The following ZNF761 variants were observed in gnomAD, a reference collection of about 807,000 sequenced individuals.
The protein encoded by ZNF761 is zinc finger protein 761.
ZNF761 carries 43 observed loss-of-function variants against 59.9 expected under a neutral mutation model. That is an observed-to-expected ratio of 0.72 (90% CI 0.56 to 0.92). The LOEUF (loss-of-function observed/expected upper bound fraction) is 0.92, where lower values mean the gene tolerates loss of function less well. Ranked by LOEUF, ZNF761 falls within the 40% of genes least tolerant of loss-of-function variation. The pLI is 0.00. For missense variants in ZNF761, 850 were observed against 906.1 expected (o/e 0.94, Z 0.79); for synonymous variants, 294 against 304.8 (o/e 0.96, Z 0.37).
intron 3 of ZNF761, among the ~76,000 whole-genome samples, chr19:53,447,784 G>C (rs982246904): frequency 2.5e-4 from 38 of 152,234 alleles, no homozygotes; most frequent in African/African-American, 9.1e-4. Flanking sequence ...AAAAATCTTA[G>C]TAATTAGAAT....
Position 53,457,578 on chromosome 19 carries a change from C to T in ZNF761, c.*830C>T. 6.1e-6 allele frequency: 2 copies of T among 330,556 alleles called. No homozygotes were observed. The highest frequency in any genetic ancestry group is 6.1e-6 in the Non-Finnish European group (1 of 163,654). 20.5% of individuals were successfully genotyped at this position (330,556 alleles called of 1,614,324 possible). A position where few individuals can be genotyped will look rare whatever the true frequency, so the allele number is the denominator to read the frequency against. On this transcript the variant is annotated 3_prime_UTR_variant, in exon 5 of 5. Coordinates refer to ENST00000684525, the MANE Select transcript of ZNF761 (RefSeq NM_001289951.2). ...ATTTTGGAGGTAGTTGGTCCATATG[C>T]AATGAGTAGAGCAAACCATCAAGCA...
intron 4 of ZNF761, among the ~76,000 whole-genome samples, chr19:53,451,714 CT>C (rs1292596175): frequency 2.6e-5 from 4 of 151,068 alleles, no homozygotes; most frequent in Non-Finnish European, 5.9e-5. Context: ...TCCCAGGTAG[CT>C]GGGACTACAG....
chr19:53,456,663 A>C lies in ZNF761; in HGVS notation c.2156A>C (p.Lys719Thr). 6.2e-7 allele frequency: 1 copy of C among 1,614,042 alleles called. No homozygotes were observed. Among genetic ancestry groups the C allele is most frequent in the Non-Finnish European group, 8.5e-7 (1 of 1,179,954 alleles). Residue 719 changes from lysine (K) to threonine (T), a missense_variant, in exon 5 of 5, where the codon AAG (lysine) becomes ACG (threonine). Transcript: ENST00000684525. ...CTTCATACTGGAGAGAAACCTTACAAGTGTAATGAGTGTGGCAAGACCTTT... is the reference window on the plus strand; with the variant it reads ...CTTCATACTGGAGAGAAACCTTACACGTGTAATGAGTGTGGCAAGACCTTT... ...HRLHTGEKPY[K>T]CNECGKTFSQ...
At chr19:53,451,715 T>A (rs924432204) in intron 4 of ZNF761, among the ~76,000 whole-genome samples, 2 of 151,564 alleles carry the variant, frequency 1.3e-5, no homozygotes, top group Non-Finnish European at 2.9e-5. Context: ...CCCAGGTAGC[T>A]GGGACTACAG....
At chr19:53,437,838 A>G (rs1349702707) in intron 1 of ZNF761, among the ~76,000 whole-genome samples, 1 of 149,456 alleles carries the variant, frequency 6.7e-6, no homozygotes, top group East Asian at 1.9e-4. Context: ...TAGTGTAAAT[A>G]CTGACTTTCT....
intron 4 of ZNF761, among the ~76,000 whole-genome samples, chr19:53,454,081 C>T (rs1024636689): frequency 2.6e-5 from 4 of 151,912 alleles, no homozygotes; most frequent in Admixed American, 2.6e-4. Flanking sequence ...TCAAACAATT[C>T]TTGTGCCTCA....
rs528417848 is a variant in ZNF761 at position 53,435,981 on chromosome 19, TGTC to T, written c.-185+3957_-185+3959del. 7.2e-5 allele frequency among the ~76,000 whole-genome samples: 11 copies of T among 152,252 alleles called. No homozygotes were observed. In the South Asian group the frequency reaches 1.7e-3, roughly 23 times the overall value. ...TCTGGTGTGTGACTAGAGCTGGGCT[TGTC>T]GTCCCCTCCAGCTTCAGCTGTGCAT... On this transcript the variant is annotated intron_variant, in intron 1 of 4. Transcript: ENST00000684525.
rs1362794701 is a variant in ZNF761 at position 53,456,085 on chromosome 19, G to C, written c.1578G>C (p.Glu526Asp). 6.3e-7 allele frequency: 1 copy of C among 1,599,800 alleles called. No homozygotes were observed. The stretch of plus-strand genomic sequence containing the variant: ...GAGAGAAAGCTTACAAGTGTAATGA[G>C]TGCGGCAAGACCTTTAGTTGGAAGT... ...HTGEKAYKCN[E>D]CGKTFSWKSS... Residue 526 changes from glutamate (E) to aspartate (D), a missense_variant, in exon 5 of 5, where the codon GAG (glutamate) becomes GAC (aspartate). Transcript: ENST00000684525.
intron 1 of ZNF761, among the ~76,000 whole-genome samples, chr19:53,440,119 C>G (rs56139915): frequency 0.038 from 5,768 of 151,708 alleles, 238 homozygotes; most frequent in African/African-American, 0.1. Flanking sequence ...GAGTTCGAGA[C>G]CAGCCTGGGC....
Position 53,454,967 on chromosome 19 carries a change from T to C in ZNF761, c.460T>C (p.Phe154Leu). 8 of 1,614,174 alleles carry C rather than the reference T, an allele frequency of 5.0e-6. No homozygotes were observed. The highest frequency in any genetic ancestry group is 1.1e-5 in the South Asian group (1 of 91,078). ...TTCGCATCTGCCTGAAATGCACATA[T>C]TTCAGACCGAAGAGAAAATTGATAA... ...FHSHLPEMHIFQTEEKIDNQV... is the reference protein window; with the variant it reads ...FHSHLPEMHILQTEEKIDNQV... Residue 154 changes from phenylalanine to leucine, a missense_variant, in exon 5 of 5, where the codon TTT (phenylalanine) becomes CTT (leucine). Transcript: ENST00000684525.
chr19:53,442,955 T>C, intron 1 of ZNF761: 1 of 315,692 alleles, frequency 3.2e-6, no homozygotes, highest in South Asian at 2.6e-5. Flanking sequence ...TTTTTTTCTG[T>C]ACAAGTATAT....
intron 1 of ZNF761, among the ~76,000 whole-genome samples, chr19:53,441,498 G>T (rs1440706421): frequency 6.7e-6 from 1 of 150,110 alleles, no homozygotes; most frequent in Admixed American, 6.7e-5. Context: ...CCAGGCTGGA[G>T]TGTAGTGGCA....
chr19:53,433,260 AGTTAATCATATAAT>A (rs923482937), intron 1 of ZNF761, among the ~76,000 whole-genome samples: 1 of 152,226 alleles, frequency 6.6e-6, no homozygotes, highest in African/African-American at 2.4e-5. Context: ...GAATAAAAGC[AGTTAATCATATAAT>A]GATAGGTCAT....
At chr19:53,453,751 C>T (rs2086240784) in intron 4 of ZNF761, among the ~76,000 whole-genome samples, 1 of 152,054 alleles carries the variant, frequency 6.6e-6, no homozygotes, top group African/African-American at 2.4e-5. Context: ...TGGTGTGTGC[C>T]TGTAATCCCA....
chr19:53,434,668 C>G (rs1173911036), intron 1 of ZNF761, among the ~76,000 whole-genome samples: 1 of 152,142 alleles, frequency 6.6e-6, no homozygotes, highest in Non-Finnish European at 1.5e-5. Context: ...CCAGTATCTC[C>G]TGATAATAGA....
chr19:53,454,768 C>T lies in ZNF761; in HGVS notation c.261C>T (p.Tyr87=), dbSNP rs774535946. The T allele has an allele frequency of 1.2e-6, 2 of 1,613,792 alleles. No homozygotes were observed. Among genetic ancestry groups the T allele is most frequent in the Non-Finnish European group, 1.7e-6 (2 of 1,180,002 alleles). The part of the protein sequence containing the change: ...HESHHNGDFC[Y]QDVDKDIHDY... ...GTCATCACAATGGAGATTTTTGCTA[C>T]CAGGATGTTGATAAAGATATTCATG... The change falls in exon 5 of 5, where the codon TAC becomes TAT. Residue 87 remains tyrosine (Y), a synonymous_variant. Transcript: ENST00000684525.
At position 53,454,693 on chromosome 19, in the gene ZNF761, G is replaced by A. The variant is rs759096681; in HGVS notation, c.186G>A (p.Ala62=). 54 of 1,611,266 alleles carry A rather than the reference G, an allele frequency of 3.4e-5. No homozygotes were observed. Among genetic ancestry groups the A allele is most frequent in the Middle Eastern group, 1.6e-4 (1 of 6,074 alleles). Residue 62 remains alanine (A), a synonymous_variant, in exon 5 of 5, where the codon GCG becomes GCA. Coordinates refer to ENST00000684525, the MANE Select transcript of ZNF761 (RefSeq NM_001289951.2). Reference sequence around the variant, plus strand: ...CGATGAAGGAGTTCTTGTCAACAGCGCAAGGCAACAGAGAAGTGTTCCATG... The same window carrying A: ...CGATGAAGGAGTTCTTGTCAACAGCACAAGGCAACAGAGAAGTGTTCCATG... ...KCTMKEFLST[A]QGNREVFHAG...
chr19:53,435,681 C>T (rs1294830561), intron 1 of ZNF761, among the ~76,000 whole-genome samples: 1 of 151,854 alleles, frequency 6.6e-6, no homozygotes, highest in African/African-American at 2.4e-5. Context: ...TTATCCTGTT[C>T]CCTGACCAGG....
chr19:53,454,811 C>G lies in ZNF761; in HGVS notation c.304C>G (p.Gln102Glu). Residue 102 changes from glutamine to glutamate, a missense_variant, in exon 5 of 5, where the codon CAA becomes GAA. Transcript: ENST00000684525. ...TATTCATGACTATGAATTTCAATGGCAAGAAGATGAAAGAAATGGCCATGA... is the reference window on the plus strand; with the variant it reads ...TATTCATGACTATGAATTTCAATGGGAAGAAGATGAAAGAAATGGCCATGA... ...KDIHDYEFQW[Q>E]EDERNGHEAP... 1.2e-6 allele frequency: 2 copies of G among 1,613,878 alleles called. No homozygotes were observed. Among genetic ancestry groups the G allele is most frequent in the South Asian group, 2.2e-5 (2 of 91,072 alleles).
Sources: allele counts gnomAD v4.1 joint callset (sites outside exome capture counted in the v4.1 genomes callset), GRCh38; gene constraint gnomAD v4.1.1; transcripts MANE v1.5; gene names NCBI Gene and HGNC (gene_info 2026-07-23, HGNC 2026-07-21).